Variants in NETO2 observed in about 807,000 individuals in gnomAD.
The protein encoded by NETO2 is neuropilin and tolloid like 2.
Under a neutral mutation model 62.5 loss-of-function variants are expected in NETO2, and 28 were observed. The ratio of observed to expected loss-of-function variants is 0.45; its 90% CI spans 0.33 to 0.61. The LOEUF is 0.61. Among genes scored for constraint, NETO2 ranks in the 20% least tolerant of loss-of-function variants. The probability of loss-of-function intolerance (pLI) is 0.02; values close to 1 mark genes in which losing one functional copy is unlikely to be tolerated. For synonymous variants in NETO2, 214 were observed against 219.1 expected (o/e 0.98, Z 0.21); for missense variants, 548 against 643.2 (o/e 0.85, Z 1.60).
chr16:47,122,925 AAAG>A lies in NETO2; in HGVS notation c.482-16_482-14del, dbSNP rs1964070753. Reference sequence around the variant, plus strand: ...GTAAAGTCTGGATCTGTAACAGAAAAAAGAAGAAAGTCATTGGTACTGAGATAG... The same window carrying A: ...GTAAAGTCTGGATCTGTAACAGAAAAAAGAAAGTCATTGGTACTGAGATAG... On this transcript the variant is annotated splice_polypyrimidine_tract_variant and intron_variant, in intron 4 of 8. Transcript: ENST00000562435. The A allele has an allele frequency of 2.5e-6, 4 of 1,612,142 alleles. No individual in the cohort carries two copies. Among genetic ancestry groups the A allele is most frequent in the East Asian group, 2.2e-5 (1 of 44,872 alleles).
intron 4 of NETO2, among the ~76,000 whole-genome samples, chr16:47,127,777 T>G (rs941472848): frequency 6.6e-6 from 1 of 152,220 alleles, no homozygotes; most frequent in African/African-American, 2.4e-5. Flanking sequence ...GCATTCCCAT[T>G]TTACTAATGG....
intron 6 of NETO2, among the ~76,000 whole-genome samples, chr16:47,116,535 T>C (rs1963925807): frequency 6.6e-6 from 1 of 152,246 alleles, no homozygotes; most frequent in South Asian, 2.1e-4. Flanking sequence ...TAATATTTTA[T>C]TGAAATTTTT....
intron 8 of NETO2, among the ~76,000 whole-genome samples, chr16:47,084,362 G>T (rs1195243549): frequency 6.6e-6 from 1 of 152,164 alleles, no homozygotes; most frequent in Admixed American, 6.5e-5. Context: ...TTACAGCAGG[G>T]GTCCTCAACC....
intron 7 of NETO2, among the ~76,000 whole-genome samples, chr16:47,098,908 C>T (rs1243971498): frequency 2.0e-5 from 3 of 152,096 alleles, no homozygotes; most frequent in East Asian, 1.9e-4. Context: ...GACGGAGTCT[C>T]GCTCTGTCAC....
intron 8 of NETO2, 44 bp downstream of exon 8, chr16:47,086,182 A>C (rs761975807): frequency 7.7e-6 from 8 of 1,038,986 alleles, no homozygotes; most frequent in Non-Finnish European, 1.2e-5. Context: ...GAAGGGCAAT[A>C]GCCACTCTTT....
intron 6 of NETO2, among the ~76,000 whole-genome samples, chr16:47,114,308 T>C (rs970043976): frequency 2.0e-5 from 3 of 151,548 alleles, no homozygotes; most frequent in Non-Finnish European, 4.4e-5. Flanking sequence ...TGTTGAGTTT[T>C]GAGTTCTGGA....
chr16:47,100,434 C>G (rs1963516558), intron 7 of NETO2, among the ~76,000 whole-genome samples: 1 of 151,638 alleles, frequency 6.6e-6, no homozygotes, highest in Non-Finnish European at 1.5e-5. Context: ...CAAAAGTTAG[C>G]AGAAGACAAA....
At chr16:47,136,144 A>G (rs1332946031) in intron 1 of NETO2, among the ~76,000 whole-genome samples, 1 of 152,198 alleles carries the variant, frequency 6.6e-6, no homozygotes, top group East Asian at 1.9e-4. Context: ...GGCCAAAGAA[A>G]ATTTAGAAAT....
intron 7 of NETO2, among the ~76,000 whole-genome samples, chr16:47,105,015 T>C (rs2143877978): frequency 6.8e-6 from 1 of 146,354 alleles, no homozygotes; most frequent in Middle Eastern, 3.4e-3. Context: ...CCACTGTGCC[T>C]GGCCTTTTTT....
In NETO2 at chr16:47,085,786, A is replaced by G. The variant is rs1438349064; in HGVS notation, c.997+440T>C. On this transcript the variant is annotated intron_variant, in intron 8 of 8. Transcript: ENST00000562435. ...AGGTCTATGATCCATTTAAAAGAAC[A>G]TTTACATGTTTCCATTTTTGTCAAA... 4.0e-5 allele frequency among the ~76,000 whole-genome samples: 6 copies of G among 151,854 alleles called. No individual in the cohort carries two copies. The East Asian group carries it at 9.7e-4, about 25-fold the overall frequency.
At chr16:47,115,491 G>C (rs1963891638) in intron 6 of NETO2, among the ~76,000 whole-genome samples, 1 of 150,116 alleles carries the variant, frequency 6.7e-6, no homozygotes, top group Non-Finnish European at 1.5e-5. Flanking sequence ...TCTTAATTTT[G>C]AACTACAGTT....
intron 7 of NETO2, among the ~76,000 whole-genome samples, chr16:47,093,599 T>C (rs1330164317): frequency 1.3e-5 from 2 of 152,144 alleles, no homozygotes; most frequent in Non-Finnish European, 1.5e-5. Context: ...AAGAAATGCA[T>C]GGAAAGCAGG....
At chr16:47,122,540 A>C in intron 6 of NETO2, 117 bp downstream of exon 6, 6 of 1,056,610 alleles carry the variant, frequency 5.7e-6, no homozygotes, top group Non-Finnish European at 6.8e-6. Context: ...CATTTTAAAA[A>C]GTTGCAGTAT....
intron 7 of NETO2, among the ~76,000 whole-genome samples, chr16:47,106,167 A>T (rs1963668820): frequency 6.6e-6 from 1 of 152,240 alleles, no homozygotes; most frequent in South Asian, 2.1e-4. Flanking sequence ...TCATGGATGA[A>T]CCTTGAAATC....
chr16:47,090,528 C>T (rs1963290727), intron 7 of NETO2, among the ~76,000 whole-genome samples: 1 of 152,190 alleles, frequency 6.6e-6, no homozygotes, highest in East Asian at 1.9e-4. Flanking sequence ...GAACTCTCTA[C>T]CTATTGCTGT....
intron 7 of NETO2, among the ~76,000 whole-genome samples, chr16:47,094,018 T>A (rs1033795393): frequency 6.6e-6 from 1 of 152,178 alleles, no homozygotes. Context: ...CTCAACTATA[T>A]CTGGGCAGTT....
intron 4 of NETO2, among the ~76,000 whole-genome samples, chr16:47,126,688 C>T (rs1308555591): frequency 6.6e-6 from 1 of 152,144 alleles, no homozygotes. Context: ...CACTCTCGTG[C>T]AAGATGCTGA....
chr16:47,107,572 A>G (rs909856832), intron 7 of NETO2, among the ~76,000 whole-genome samples: 2 of 152,220 alleles, frequency 1.3e-5, no homozygotes, highest in African/African-American at 4.8e-5. Flanking sequence ...AGATGAAGAA[A>G]GGGCTCCTTG....
intron 7 of NETO2, among the ~76,000 whole-genome samples, chr16:47,096,087 C>T (rs1353592969): frequency 6.6e-6 from 1 of 151,912 alleles, no homozygotes; most frequent in Non-Finnish European, 1.5e-5. Flanking sequence ...AAAAAGAAAT[C>T]CACGGGAAAT....
Sources: gnomAD v4.1 joint callset for allele counts (sites outside exome capture counted in the v4.1 genomes callset) on GRCh38, gnomAD v4.1.1 for gene constraint, MANE v1.5 for transcripts, NCBI Gene and HGNC (gene_info 2026-07-23, HGNC 2026-07-21) for gene names.